Variants in ATRNL1 observed in about 807,000 individuals in gnomAD.
ATRNL1 encodes attractin-like protein 1.
A neutral mutation model predicts 182.7 loss-of-function variants in ATRNL1; 95 were observed. The observed-to-expected ratio is 0.52, with a 90% CI of 0.44 to 0.62. The LOEUF (loss-of-function observed/expected upper bound fraction) is 0.62, where lower values mean the gene tolerates loss of function less well. Among genes scored for constraint, ATRNL1 ranks in the 20% least tolerant of loss-of-function variants. The probability of loss-of-function intolerance (pLI) is 0.00; values close to 1 mark genes in which losing one functional copy is unlikely to be tolerated. For missense variants in ATRNL1, 1,471 were observed against 1,679.5 expected (o/e 0.88, Z 2.17); for synonymous variants, 576 against 568.3 (o/e 1.01, Z -0.19).
At chr10:115,296,861 C>T (rs1853219897) in intron 15 of ATRNL1, among the ~76,000 whole-genome samples, 1 of 152,206 alleles carries the variant, frequency 6.6e-6, no homozygotes, top group Non-Finnish European at 1.5e-5. Context: ...TGGCAATCTA[C>T]TGCTTTCTGA....
chr10:115,701,582 T>A (rs782554442), intron 26 of ATRNL1, among the ~76,000 whole-genome samples: 1 of 151,714 alleles, frequency 6.6e-6, no homozygotes, highest in East Asian at 1.9e-4. Context: ...CTGAAGAAGA[T>A]CCAAATAACC....
At chr10:115,140,077 G>C (rs146823432) in intron 5 of ATRNL1, among the ~76,000 whole-genome samples, 307 of 152,294 alleles carry the variant, frequency 2.0e-3, no homozygotes, top group African/African-American at 7.2e-3. Context: ...AGTAGGTACT[G>C]CATGCTACAG....
At chr10:115,162,470 A>C (rs1846836976) in intron 6 of ATRNL1, among the ~76,000 whole-genome samples, 2 of 151,926 alleles carry the variant, frequency 1.3e-5, no homozygotes, top group Non-Finnish European at 2.9e-5. Flanking sequence ...TTTGCATGGA[A>C]TATATGAGAG....
At chr10:115,639,439 G>C (rs1859093375) in intron 26 of ATRNL1, among the ~76,000 whole-genome samples, 1 of 152,166 alleles carries the variant, frequency 6.6e-6, no homozygotes, top group Admixed American at 6.5e-5. Flanking sequence ...GTAATTTAAA[G>C]TATAACCTAC....
intron 9 of ATRNL1, among the ~76,000 whole-genome samples, chr10:115,240,167 T>C (rs1850356942): frequency 6.6e-6 from 1 of 152,166 alleles, no homozygotes; most frequent in Non-Finnish European, 1.5e-5. Flanking sequence ...TTTTTATAAT[T>C]TTTACCAATT....
intron 28 of ATRNL1, among the ~76,000 whole-genome samples, chr10:115,910,643 C>T (rs1355205983): frequency 6.6e-6 from 1 of 152,126 alleles, no homozygotes; most frequent in Non-Finnish European, 1.5e-5. Flanking sequence ...GTGTGTAGAA[C>T]AGAATTTTCC....
chr10:115,357,220 A>G (rs1856542802), intron 19 of ATRNL1, among the ~76,000 whole-genome samples: 1 of 151,946 alleles, frequency 6.6e-6, no homozygotes, highest in South Asian at 2.1e-4. Context: ...AAGAAAAGAT[A>G]AATTTAAAGT....
intron 28 of ATRNL1, among the ~76,000 whole-genome samples, chr10:115,930,661 A>G (rs1419288575): frequency 6.6e-6 from 1 of 152,228 alleles, no homozygotes; most frequent in South Asian, 2.1e-4. Flanking sequence ...ATTTTTAAAG[A>G]TAACATTTTT....
At chr10:115,942,435 CCA>C (rs1398910055) in intron 28 of ATRNL1, among the ~76,000 whole-genome samples, 2 of 152,196 alleles carry the variant, frequency 1.3e-5, no homozygotes, top group African/African-American at 4.8e-5. Context: ...CCCTGCTGGC[CCA>C]TTTGCCACTT....
intron 26 of ATRNL1, among the ~76,000 whole-genome samples, chr10:115,558,608 A>G (rs1853468199): frequency 6.6e-6 from 1 of 151,994 alleles, no homozygotes; most frequent in African/African-American, 2.4e-5. Flanking sequence ...GGAAGTTTGT[A>G]TTAATTGGCC....
At chr10:115,161,737 A>G (rs1224194581) in intron 6 of ATRNL1, among the ~76,000 whole-genome samples, 1 of 152,098 alleles carries the variant, frequency 6.6e-6, no homozygotes, top group South Asian at 2.1e-4. Context: ...CAGTGTTTAT[A>G]TAAACAAATG....
At chr10:115,361,179 C>T (rs1425751752) in intron 19 of ATRNL1, among the ~76,000 whole-genome samples, 11 of 151,996 alleles carry the variant, frequency 7.2e-5, no homozygotes, top group Admixed American at 7.2e-4. Context: ...GATAGTTCTT[C>T]TGTAATCAAT....
At chr10:115,178,602 A>G (rs1398090799) in intron 8 of ATRNL1, among the ~76,000 whole-genome samples, 1 of 152,150 alleles carries the variant, frequency 6.6e-6, no homozygotes, top group Non-Finnish European at 1.5e-5. Context: ...TTGCGGTAGT[A>G]TTAAGAGGTG....
At chr10:115,751,418 C>T (rs574155142) in intron 27 of ATRNL1, among the ~76,000 whole-genome samples, 1 of 152,052 alleles carries the variant, frequency 6.6e-6, no homozygotes, top group East Asian at 1.9e-4. Flanking sequence ...TAGCACTAGG[C>T]AACAAATAAA....
intron 8 of ATRNL1, among the ~76,000 whole-genome samples, chr10:115,212,560 C>A (rs1554895250): frequency 6.6e-6 from 1 of 151,958 alleles, no homozygotes; most frequent in African/African-American, 2.4e-5. Context: ...CATGTATGTT[C>A]ATTGCCAGCA....
At chr10:115,803,269 TC>T (rs35670800) in intron 27 of ATRNL1, among the ~76,000 whole-genome samples, 73,724 of 151,942 alleles carry the variant, frequency 0.49, 19,073 homozygotes, top group East Asian at 0.76. Flanking sequence ...TTGGTTCAAA[TC>T]CTCATTCAAT....
chr10:115,560,570 G>A (rs1278490022), intron 26 of ATRNL1, among the ~76,000 whole-genome samples: 1 of 152,128 alleles, frequency 6.6e-6, no homozygotes, highest in Non-Finnish European at 1.5e-5. Context: ...AAGACTTTAT[G>A]TTGTTAAGAT....
intron 20 of ATRNL1, among the ~76,000 whole-genome samples, chr10:115,411,836 G>A (rs578242188): frequency 1.4e-4 from 21 of 151,884 alleles, no homozygotes; most frequent in Admixed American, 2.0e-4. Context: ...TAGATTAGTG[G>A]TTCATGTTCA....
chr10:115,267,108 G>T, intron 12 of ATRNL1, 103 bp downstream of exon 12: 1 of 752,840 alleles, frequency 1.3e-6, no homozygotes, highest in Non-Finnish European at 2.2e-6. Context: ...CTACAGAAAT[G>T]AAAAATTTGT....
Sources: allele counts gnomAD v4.1 joint callset (sites outside exome capture counted in the v4.1 genomes callset), GRCh38; gene constraint gnomAD v4.1.1; transcripts MANE v1.5; gene names NCBI Gene and HGNC (gene_info 2026-07-23, HGNC 2026-07-21).